SLCO2B1: variants seen among roughly 807,000 people sequenced by gnomAD.
The protein encoded by SLCO2B1 is OATP-RP2.
A neutral mutation model predicts 67.3 loss-of-function variants in SLCO2B1; 41 were observed. The ratio of observed to expected loss-of-function variants is 0.61; its 90% CI spans 0.47 to 0.79. SLCO2B1 has a LOEUF of 0.79. Among genes scored for constraint, SLCO2B1 ranks in the 30% least tolerant of loss-of-function variants. SLCO2B1 has a pLI of 0.00. For synonymous variants in SLCO2B1, 379 were observed against 381.4 expected, an observed-to-expected ratio of 0.99 and a Z score of 0.07; for missense variants, 837 against 920.1, an observed-to-expected ratio of 0.91 and a Z score of 1.17.
At chr11:75,201,349 A>G (rs1340991257) in intron 11 of SLCO2B1, 1 of 151,950 alleles carries the variant, frequency 6.6e-6, no homozygotes, top group Non-Finnish European at 1.5e-5. Flanking sequence ...CTATTCTCTC[A>G]CTCAACAATC....
intron 6 of SLCO2B1, among the ~76,000 whole-genome samples, chr11:75,170,351 G>T (rs1035966296): frequency 2.0e-5 from 3 of 152,216 alleles, no homozygotes; most frequent in Non-Finnish European, 4.4e-5. Context: ...GGAAAGAGTA[G>T]TTTCTGGTCC....
chr11:75,163,614 G>A lies in SLCO2B1; in HGVS notation c.148-349G>A, dbSNP rs569897014. Among the ~76,000 whole-genome samples the A allele has an allele frequency of 5.9e-5, 9 of 152,054 alleles. No individual in the cohort carries two copies. In the South Asian group the frequency reaches 8.3e-4, roughly 14 times the overall value. Reference sequence around the variant, plus strand: ...CTGGCCATGGGAAGACCCTACTCTCGGTCTTGTGGCTCTTCAATAGCCCCC... The same window carrying A: ...CTGGCCATGGGAAGACCCTACTCTCAGTCTTGTGGCTCTTCAATAGCCCCC... On this transcript the variant is annotated intron_variant, in intron 2 of 13. Transcript: ENST00000289575.
chr11:75,168,388 C>A (rs865891728), intron 4 of SLCO2B1, among the ~76,000 whole-genome samples: 23 of 152,214 alleles, frequency 1.5e-4, no homozygotes, highest in African/African-American at 5.3e-4. Flanking sequence ...GCTCAGAGTC[C>A]CAGCTCCATA....
chr11:75,165,554 C>T (rs1304715851), intron 3 of SLCO2B1, among the ~76,000 whole-genome samples: 1 of 152,230 alleles, frequency 6.6e-6, no homozygotes. Flanking sequence ...GGGGTCCAAT[C>T]TGTGTTCAAA....
intron 7 of SLCO2B1, among the ~76,000 whole-genome samples, chr11:75,178,549 A>G (rs755687865): frequency 6.6e-6 from 1 of 152,208 alleles, no homozygotes; most frequent in Non-Finnish European, 1.5e-5. Flanking sequence ...ATGGTGGAAC[A>G]TGATGTTTTG....
chr11:75,182,708 C>T (rs1950104955), intron 7 of SLCO2B1, among the ~76,000 whole-genome samples: 1 of 151,702 alleles, frequency 6.6e-6, no homozygotes, highest in South Asian at 2.1e-4. Flanking sequence ...CACCACTGCA[C>T]TCCAATCTGG....
intron 10 of SLCO2B1, among the ~76,000 whole-genome samples, chr11:75,197,742 A>G (rs1945121622): frequency 6.6e-6 from 1 of 152,092 alleles, no homozygotes; most frequent in Non-Finnish European, 1.5e-5. Flanking sequence ...AACTTCACTG[A>G]TCTCTTCCTC....
intron 1 of SLCO2B1, chr11:75,157,000 G>A (rs2140301395): frequency 6.6e-6 from 1 of 152,560 alleles, no homozygotes. Context: ...ACCCTGTGCT[G>A]ACCTCCTATC....
Position 75,157,671 on chromosome 11 carries a change from G to A in SLCO2B1, c.17-4984G>A, listed in dbSNP as rs969764148. On this transcript the variant is annotated intron_variant, in intron 1 of 13. Transcript: ENST00000289575. ...ATATGCCAGGCCAGCTGCCCCAAAG[G>A]CCTTACCTCTTTGAGGTCGTATAGA... 2.0e-5 allele frequency among the ~76,000 whole-genome samples: 3 copies of A among 152,150 alleles called. No homozygotes were observed. The South Asian group carries it at 6.2e-4, about 31-fold the overall frequency.
chr11:75,200,448 A>G, intron 11 of SLCO2B1, 61 bp downstream of exon 11: 1 of 1,485,298 alleles, frequency 6.7e-7, no homozygotes, highest in Non-Finnish European at 9.0e-7. Context: ...CACAGGCAGA[A>G]CAAGGAATTC....
intron 9 of SLCO2B1, 64 bp from the exon 10 acceptor site, chr11:75,196,450 T>C (rs974084419): frequency 6.5e-7 from 1 of 1,529,914 alleles, no homozygotes; most frequent in South Asian, 1.2e-5. Context: ...GGGCCGAGGA[T>C]GCCCCAGCTA....
intron 7 of SLCO2B1, among the ~76,000 whole-genome samples, chr11:75,182,149 C>G (rs574613451): frequency 3.3e-5 from 5 of 152,322 alleles, no homozygotes; most frequent in Non-Finnish European, 7.3e-5. Flanking sequence ...TCTGCTCTCC[C>G]TTTCTATCTA....
chr11:75,203,554 T>A, intron 13 of SLCO2B1, 127 bp downstream of exon 13: 1 of 1,219,796 alleles, frequency 8.2e-7, no homozygotes, highest in Non-Finnish European at 1.2e-6. Flanking sequence ...TCATTATATA[T>A]TCAGTGCTGA....
At chr11:75,162,834 C>G (rs377301802) in intron 2 of SLCO2B1, 49 bp downstream of exon 2, 6 of 1,582,390 alleles carry the variant, frequency 3.8e-6, no homozygotes, top group Admixed American at 1.9e-5. Context: ...AGAGCAGGCT[C>G]TGCCACGTGC....
At chr11:75,172,846 T>C (rs1229589675) in intron 7 of SLCO2B1, among the ~76,000 whole-genome samples, 1 of 151,956 alleles carries the variant, frequency 6.6e-6, no homozygotes, top group East Asian at 1.9e-4. Context: ...GAAGAATCGC[T>C]TGAACCTGGG....
At position 75,164,107 on chromosome 11, in the gene SLCO2B1, G is replaced by C. The variant is rs780276922; in HGVS notation, c.285+7G>C. On this transcript the variant is annotated splice_region_variant and intron_variant, in intron 3 of 13. Transcript: ENST00000289575. ...GCTGGCCTCCTTCAACGAGGTACAG[G>C]CCCCACCCAGCCACAGGGGTGGACA... The C allele has an allele frequency of 1.9e-6, 3 of 1,604,792 alleles. No individual in the cohort carries two copies. Among genetic ancestry groups the C allele is most frequent in the Non-Finnish European group, 2.6e-6 (3 of 1,176,302 alleles).
intron 8 of SLCO2B1, among the ~76,000 whole-genome samples, chr11:75,190,826 C>G (rs1945011522): frequency 6.6e-6 from 1 of 152,132 alleles, no homozygotes; most frequent in African/African-American, 2.4e-5. Flanking sequence ...GAGTCACTGA[C>G]TTGAGGGAGG....
At chr11:75,203,540 G>A in intron 13 of SLCO2B1, 113 bp downstream of exon 13, 2 of 1,363,934 alleles carry the variant, frequency 1.5e-6, no homozygotes, top group Admixed American at 1.8e-5. Flanking sequence ...CTAGGTGACA[G>A]GTGTCATTAT....
chr11:75,196,455 C>A, intron 9 of SLCO2B1, 59 bp from the exon 10 acceptor site: 1 of 1,549,802 alleles, frequency 6.5e-7, no homozygotes, highest in Non-Finnish European at 8.8e-7. Context: ...GAGGATGCCC[C>A]AGCTAGTGGC....
Sources: allele counts gnomAD v4.1 joint callset (sites outside exome capture counted in the v4.1 genomes callset), GRCh38; gene constraint gnomAD v4.1.1; transcripts MANE v1.5; gene names NCBI Gene and HGNC (gene_info 2026-07-23, HGNC 2026-07-21).